Variants in PELI2 observed in about 807,000 individuals in gnomAD.
The protein encoded by PELI2 is E3 ubiquitin-protein ligase pellino homolog 2.
Under a neutral mutation model 42.3 loss-of-function variants are expected in PELI2, and 23 were observed. That is an observed-to-expected ratio of 0.54 (90% CI 0.39 to 0.77). The LOEUF (loss-of-function observed/expected upper bound fraction) is 0.77, where lower values mean the gene tolerates loss of function less well. Among genes scored for constraint, PELI2 ranks in the 30% least tolerant of loss-of-function variants. PELI2 has a pLI of 0.00. For missense variants in PELI2, 463 were observed against 553.2 expected, an observed-to-expected ratio of 0.84 and a Z score of 1.64; for synonymous variants, 245 against 212.2, an observed-to-expected ratio of 1.15 and a Z score of -1.34.
At chr14:56,227,984 G>A (rs1887421836) in intron 2 of PELI2, among the ~76,000 whole-genome samples, 1 of 152,186 alleles carries the variant, frequency 6.6e-6, no homozygotes, top group Non-Finnish European at 1.5e-5. Context: ...CCACTGCTAG[G>A]AGTGGAACTA....
At chr14:56,274,751 G>A (rs1251812744) in intron 2 of PELI2, among the ~76,000 whole-genome samples, 3 of 152,300 alleles carry the variant, frequency 2.0e-5, no homozygotes, top group Admixed American at 1.3e-4. Flanking sequence ...CAGCATAGCT[G>A]TAAGAAAATA....
intron 2 of PELI2, among the ~76,000 whole-genome samples, chr14:56,270,874 C>G (rs991073204): frequency 2.0e-5 from 3 of 152,142 alleles, no homozygotes; most frequent in African/African-American, 7.2e-5. Flanking sequence ...TCAGAGTCCA[C>G]TAGCCAAGTT....
In PELI2 at chr14:56,224,160, T is replaced by TA. The variant is rs546503833; in HGVS notation, c.207+45698dup. ...AGAACAGGTTCAGAAATATCCAGAATAATGCCTAGATGGCTTTCAATATTC... is the reference window on the plus strand; with the variant it reads ...AGAACAGGTTCAGAAATATCCAGAATAAATGCCTAGATGGCTTTCAATATTC... On this transcript the variant is annotated intron_variant, in intron 2 of 5. Coordinates refer to ENST00000267460, the MANE Select transcript of PELI2 (RefSeq NM_021255.3). Among the ~76,000 whole-genome samples the TA allele has an allele frequency of 5.1e-4, 78 of 152,338 alleles. 1 individual carries two copies. The East Asian group carries it at 0.01, about 20-fold the overall frequency.
rs1885540408 is a variant in PELI2 at position 56,180,516 on chromosome 14, C to T, written c.207+2052C>T. 6.6e-6 allele frequency among the ~76,000 whole-genome samples: 1 copy of T among 152,162 alleles called. No individual in the cohort carries two copies. The highest frequency in any genetic ancestry group is 2.4e-5 in the African/African-American group (1 of 41,446). On this transcript the variant is annotated intron_variant, in intron 2 of 5. Coordinates refer to ENST00000267460, the MANE Select transcript of PELI2 (RefSeq NM_021255.3). This position sits in a 1 kb window ranked among gnomAD's most constrained non-coding sequence, Gnocchi z 4.4. ...AACTTCTATCTCTTTTAAAGGTTTA[C>T]ATTTTCAAGAGAGAGACTCTGATAG... is the stretch of plus-strand genomic sequence containing the variant.
chr14:56,133,038 A>G (rs1883550260), intron 1 of PELI2, among the ~76,000 whole-genome samples: 1 of 152,192 alleles, frequency 6.6e-6, no homozygotes, highest in Non-Finnish European at 1.5e-5. Context: ...ATTTTGGAAG[A>G]AAAATTTTTC....
In PELI2 at chr14:56,288,422, A is replaced by G. The variant is rs1411350985; in HGVS notation, c.310-15A>G. The G allele has an allele frequency of 1.9e-6, 3 of 1,603,102 alleles. No individual in the cohort carries two copies. Among genetic ancestry groups the G allele is most frequent in the Non-Finnish European group, 2.6e-6 (3 of 1,170,618 alleles). On this transcript the variant is annotated splice_polypyrimidine_tract_variant and intron_variant, in intron 3 of 5. Transcript: ENST00000267460. This position sits in a 1 kb window ranked among gnomAD's most constrained non-coding sequence, Gnocchi z 4.6. ...TATTTTCCAAGTGAATCACGAGTACATTTGATTTACTTAGGTGGGCAGATC... is the reference window on the plus strand; with the variant it reads ...TATTTTCCAAGTGAATCACGAGTACGTTTGATTTACTTAGGTGGGCAGATC...
intron 1 of PELI2, among the ~76,000 whole-genome samples, chr14:56,131,859 A>C (rs1595541496): frequency 6.6e-6 from 1 of 152,194 alleles, no homozygotes; most frequent in African/African-American, 2.4e-5. Context: ...ACCACACTCC[A>C]GCCTGGGCGA....
At chr14:56,176,112 G>T (rs1394364550) in intron 1 of PELI2, among the ~76,000 whole-genome samples, 1 of 152,224 alleles carries the variant, frequency 6.6e-6, no homozygotes, top group African/African-American at 2.4e-5. Flanking sequence ...CCCCAGAGTG[G>T]TGGGGAAGAT....
chr14:56,133,168 A>G (rs528993251), intron 1 of PELI2, among the ~76,000 whole-genome samples: 29 of 152,324 alleles, frequency 1.9e-4, no homozygotes, highest in African/African-American at 6.3e-4. Flanking sequence ...CATTTTAAAC[A>G]TAATATATGT....
chr14:56,119,778 C>T (rs948179513), intron 1 of PELI2: 11 of 982,300 alleles, frequency 1.1e-5, no homozygotes, highest in African/African-American at 1.8e-5. Flanking sequence ...ATTATTTTTT[C>T]CTTTGGATGT....
At chr14:56,126,039 C>A (rs2139578999) in intron 1 of PELI2, among the ~76,000 whole-genome samples, 1 of 152,324 alleles carries the variant, frequency 6.6e-6, no homozygotes, top group Middle Eastern at 3.4e-3. Flanking sequence ...GTCAAAGTTT[C>A]CCTGAGAAAC....
At chr14:56,152,376 A>T (rs540251568) in intron 1 of PELI2, among the ~76,000 whole-genome samples, 1 of 152,324 alleles carries the variant, frequency 6.6e-6, no homozygotes, top group Non-Finnish European at 1.5e-5. Flanking sequence ...GGCTTGACAC[A>T]AAGGAAGCAT....
intron 2 of PELI2, among the ~76,000 whole-genome samples, chr14:56,199,092 A>T (rs989951132): frequency 6.6e-6 from 1 of 152,088 alleles, no homozygotes; most frequent in African/African-American, 2.4e-5. Context: ...TATTAATTTT[A>T]CCTTGTATCT....
intron 2 of PELI2, among the ~76,000 whole-genome samples, chr14:56,179,951 C>T (rs761542504): frequency 2.0e-5 from 3 of 152,144 alleles, no homozygotes; most frequent in Admixed American, 6.5e-5. Flanking sequence ...TTTGATTACT[C>T]ATGCTTCATG....
At chr14:56,254,999 A>G (rs1422035477) in intron 2 of PELI2, among the ~76,000 whole-genome samples, 1 of 152,228 alleles carries the variant, frequency 6.6e-6, no homozygotes, top group Admixed American at 6.5e-5. Flanking sequence ...GATGCTGGAG[A>G]GGATGTGGAG....
Position 56,296,899 on chromosome 14 carries a change from G to T in PELI2, c.996G>T (p.Glu332Asp). ...WGHRSDTEAN[E>D]RECPMCRTVG... Reference sequence around the variant, plus strand: ...ATCGGAGTGACACGGAGGCCAACGAGAGGGAGTGTCCCATGTGCAGGACTG... The same window carrying T: ...ATCGGAGTGACACGGAGGCCAACGATAGGGAGTGTCCCATGTGCAGGACTG... Residue 332 changes from glutamate (E) to aspartate (D), a missense_variant, in exon 6 of 6, where the codon GAG becomes GAT. Glu to Asp is a conservative substitution (Grantham distance 45, BLOSUM62 2). Coordinates refer to ENST00000267460, the MANE Select transcript of PELI2 (RefSeq NM_021255.3). The T allele has an allele frequency of 1.2e-6, 2 of 1,614,176 alleles. No homozygotes were observed. Among genetic ancestry groups the T allele is most frequent in the South Asian group, 1.1e-5 (1 of 91,084 alleles).
At chr14:56,171,554 T>A (rs1885168893) in intron 1 of PELI2, among the ~76,000 whole-genome samples, 1 of 152,232 alleles carries the variant, frequency 6.6e-6, no homozygotes, top group Admixed American at 6.5e-5. Context: ...TTTCATTGCC[T>A]ACCGTGTGTC....
At position 56,297,086 on chromosome 14, in the gene PELI2, G is replaced by A. The variant is rs368663440; in HGVS notation, c.1183G>A (p.Ala395Thr). Residue 395 changes from alanine to threonine, a missense_variant, in exon 6 of 6, where the codon GCT becomes ACT. Coordinates refer to ENST00000267460, the MANE Select transcript of PELI2 (RefSeq NM_021255.3). Reference sequence around the variant, plus strand: ...GCCTCATGGAACTCATGCATTTCACGCTGCTTGCCCTTTCTGTGCTACACA... The same window carrying A: ...GCCTCATGGAACTCATGCATTTCACACTGCTTGCCCTTTCTGTGCTACACA... The part of the protein sequence containing the change: ...PLPHGTHAFH[A>T]ACPFCATQLV... The A allele has an allele frequency of 2.8e-5, 45 of 1,610,594 alleles. No homozygotes were observed. Among genetic ancestry groups the A allele is most frequent in the Non-Finnish European group, 3.6e-5 (43 of 1,179,954 alleles).
intron 1 of PELI2, among the ~76,000 whole-genome samples, chr14:56,177,655 T>C (rs17689164): frequency 0.045 from 6,862 of 152,284 alleles, 217 homozygotes; most frequent in Non-Finnish European, 0.065. Context: ...TTAAGGACAT[T>C]ATATGTTTTC....
Sources: allele counts gnomAD v4.1 joint callset (sites outside exome capture counted in the v4.1 genomes callset), GRCh38; gene constraint gnomAD v4.1.1; non-coding constraint Gnocchi (gnomAD v3.1); transcripts MANE v1.5; gene names NCBI Gene and HGNC (gene_info 2026-07-23, HGNC 2026-07-21).